NOD1: variants seen among roughly 807,000 people sequenced by gnomAD.
NOD1 encodes nucleotide binding oligomerization domain containing 1, also known as nucleotide-binding oligomerization domain-containing protein 1.
In NOD1, 70 loss-of-function variants were observed where a neutral mutation model predicts 81.2. That is an observed-to-expected ratio of 0.86 (90% CI 0.71 to 1.05). The LOEUF is 1.05. NOD1 is among the 50% of genes least tolerant of loss of function. The pLI is 0.00. For missense variants in NOD1, 1,233 were observed against 1,228.0 expected (o/e 1.00, Z -0.06); for synonymous variants, 508 against 526.9 (o/e 0.96, Z 0.49).
chr7:30,463,464 CTATAT>C (rs140586458), intron 1 of NOD1: 2 of 152,560 alleles, frequency 1.3e-5, no homozygotes, highest in African/African-American at 4.8e-5. Flanking sequence ...ACTAACCGAA[CTATAT>C]TATATTAATA....
chr7:30,477,778 C>T (rs1436680161), intron 1 of NOD1, among the ~76,000 whole-genome samples: 3 of 151,930 alleles, frequency 2.0e-5, no homozygotes, highest in African/African-American at 4.8e-5. Context: ...GCCTTGGCCT[C>T]CCAAAGTGCT....
Position 30,478,064 on chromosome 7 carries a change from A to G in NOD1, c.-352+542T>C, listed in dbSNP as rs916282581. Reference sequence around the variant, plus strand: ...TTGCCAAGCATTGTCTCATTTCCTTACTTTGTGGAGCATGAAACCCAAGGG... The same window carrying G: ...TTGCCAAGCATTGTCTCATTTCCTTGCTTTGTGGAGCATGAAACCCAAGGG... On this transcript the variant is annotated intron_variant, in intron 1 of 13. Transcript: ENST00000222823. The surrounding 1 kb of genome is among the most constrained non-coding windows in gnomAD (Gnocchi z 4.1). Among the ~76,000 whole-genome samples the G allele has an allele frequency of 1.3e-5, 2 of 152,060 alleles. No homozygotes were observed. The highest frequency in any genetic ancestry group is 4.8e-5 in the African/African-American group (2 of 41,392).
rs376537154 is a variant in NOD1 at position 30,455,263 on chromosome 7, C to G, written c.250G>C (p.Glu84Gln). 6.2e-7 allele frequency: 1 copy of G among 1,614,148 alleles called. No homozygotes were observed. The change falls in exon 5 of 14, where the codon GAG (glutamate) becomes CAG (glutamine). Residue 84 changes from glutamate (E) to glutamine (Q), a missense_variant. Coordinates refer to ENST00000222823, the MANE Select transcript of NOD1 (RefSeq NM_006092.4). Reference sequence around the variant, plus strand: ...TGCTGGAGCAAGTAGAGGAAGAACTCGGACACCTCCTCGCCCTTGCTCTGT... The same window carrying G: ...TGCTGGAGCAAGTAGAGGAAGAACTGGGACACCTCCTCGCCCTTGCTCTGT... ...LVQSKGEEVS[E>Q]FFLYLLQQLA...
At chr7:30,426,855 T>A (rs1783503097) in intron 13 of NOD1, among the ~76,000 whole-genome samples, 1 of 152,182 alleles carries the variant, frequency 6.6e-6, no homozygotes, top group Non-Finnish European at 1.5e-5. Flanking sequence ...TCACCTCAGC[T>A]GACTAGCTCC....
At chr7:30,446,731 C>T (rs896214046) in intron 8 of NOD1, 21 of 508,540 alleles carry the variant, frequency 4.1e-5, no homozygotes, top group Admixed American at 1.1e-4. Flanking sequence ...GTCCTTTCTT[C>T]GGCCTAGTAG....
chr7:30,452,123 GGACCTCAGT>G lies in NOD1; in HGVS notation c.1285_1293del (p.Thr429_Val431del). On this transcript the variant is annotated inframe_deletion, in exon 6 of 14. Coordinates refer to ENST00000222823, the MANE Select transcript of NOD1 (RefSeq NM_006092.4). Reference sequence around the variant, plus strand: ...CTGCTGGGCTGCATCCTGTTCAGATGGACCTCAGTGACCAGGAGGAAGACATCTGTCAGG... The same window carrying G: ...CTGCTGGGCTGCATCCTGTTCAGATGGACCAGGAGGAAGACATCTGTCAGG... 1 of 1,613,990 alleles carries G rather than the reference GGACCTCAGT, an allele frequency of 6.2e-7. No homozygotes were observed. Among genetic ancestry groups the G allele is most frequent in the Non-Finnish European group, 8.5e-7 (1 of 1,180,036 alleles).
chr7:30,447,105 G>T (rs1389832443), intron 7 of NOD1, 55 bp from the exon 8 acceptor site: 1 of 1,612,542 alleles, frequency 6.2e-7, no homozygotes. Flanking sequence ...CATTTTAATA[G>T]CCCCTGTTTT....
chr7:30,448,539 C>G (rs563890272), intron 6 of NOD1, among the ~76,000 whole-genome samples, 158 bp from the exon 7 acceptor site: 2 of 152,326 alleles, frequency 1.3e-5, no homozygotes, highest in African/African-American at 4.8e-5. Flanking sequence ...TAGCCCCTTA[C>G]AAAGCCTGGC....
At chr7:30,455,048 G>T in intron 5 of NOD1, 89 bp downstream of exon 5, 8 of 1,252,666 alleles carry the variant, frequency 6.4e-6, no homozygotes, top group South Asian at 1.3e-5. Flanking sequence ...GCTTCCTGAG[G>T]TGGCACTCAG....
At chr7:30,427,009 T>G (rs1783517204) in intron 13 of NOD1, among the ~76,000 whole-genome samples, 2 of 152,174 alleles carry the variant, frequency 1.3e-5, no homozygotes, top group Non-Finnish European at 2.9e-5. Flanking sequence ...GCAAATGATT[T>G]TTTCTTTAAT....
chr7:30,447,981 A>G (rs1276371267), intron 7 of NOD1: 1 of 297,718 alleles, frequency 3.4e-6, no homozygotes, highest in Non-Finnish European at 6.3e-6. Flanking sequence ...AAAATAGTCC[A>G]GACTAATATG....
intron 5 of NOD1, 113 bp downstream of exon 5, chr7:30,455,024 T>C: frequency 1.9e-6 from 2 of 1,039,332 alleles, no homozygotes; most frequent in Non-Finnish European, 2.8e-6. Context: ...AAAATCAAAA[T>C]AGCACCTGGG....
chr7:30,446,783 G>T, intron 8 of NOD1, 184 bp downstream of exon 8: 3 of 566,726 alleles, frequency 5.3e-6, no homozygotes, highest in Non-Finnish European at 9.4e-6. Context: ...TACCAATAAC[G>T]GGAGGCCCTT....
In NOD1 at chr7:30,452,761, C is replaced by G. The variant is rs1184765566; in HGVS notation, c.656G>C (p.Trp219Ser). The change falls in exon 6 of 14, where the codon TGG (tryptophan) becomes TCG (serine). Residue 219 changes from tryptophan (W) to serine (S), a missense_variant. Physicochemically the swap from Trp to Ser is radical, Grantham distance 177 (BLOSUM62 -3). Transcript: ENST00000222823. ...CCCTGCGTCTAGCCGGCCCGTGGCC[C>G]AGAGGCTCTGCAGCCGCTGTAGCAG... ...SMLLQRLQSL[W>S]ATGRLDAGVK... is the part of the protein sequence containing the mutation. 27 of 1,614,094 alleles carry G rather than the reference C, an allele frequency of 1.7e-5. No individual in the cohort carries two copies. The highest frequency in any genetic ancestry group is 2.1e-5 in the Non-Finnish European group (25 of 1,180,040).
At chr7:30,465,999 C>G (rs1787655517) in intron 1 of NOD1, among the ~76,000 whole-genome samples, 1 of 152,238 alleles carries the variant, frequency 6.6e-6, no homozygotes. Flanking sequence ...CTGACCCTCC[C>G]TCCTCAAGCT....
At chr7:30,473,474 C>T (rs1788478266) in intron 1 of NOD1, among the ~76,000 whole-genome samples, 2 of 152,216 alleles carry the variant, frequency 1.3e-5, no homozygotes, top group South Asian at 4.1e-4. Flanking sequence ...CTAACAATCT[C>T]AGTGCATCGA....
At chr7:30,475,671 G>A (rs977655873) in intron 1 of NOD1, among the ~76,000 whole-genome samples, 4 of 152,190 alleles carry the variant, frequency 2.6e-5, no homozygotes, top group Non-Finnish European at 2.9e-5. Context: ...GAGAAGGGCC[G>A]GTGGCATGCC....
chr7:30,449,115 A>G (rs1211599480), intron 6 of NOD1, among the ~76,000 whole-genome samples: 1 of 152,270 alleles, frequency 6.6e-6, no homozygotes, highest in African/African-American at 2.4e-5. Flanking sequence ...AACTTTACTT[A>G]GAAACACAAG....
rs373416756 is a variant in NOD1, at chr7:30,451,911, C to T, written c.1506G>A (p.Pro502=). 97 of 1,613,398 alleles carry T rather than the reference C, an allele frequency of 6.0e-5. No homozygotes were observed. Among genetic ancestry groups the T allele is most frequent in the South Asian group, 4.0e-4 (36 of 91,076 alleles). The stretch of plus-strand genomic sequence containing the variant: ...GCTGGTCACCCCCGGGGCCCAGCTC[C>T]GGCAAAGCCCGCAGGAAGCCCAGCT... ...DMQLGFLRAL[P]ELGPGGDQQS... is the part of the protein sequence containing the mutation. Residue 502 remains proline, a synonymous_variant, in exon 6 of 14, where the codon CCG becomes CCA. Transcript: ENST00000222823. This position sits in a 1 kb window ranked among gnomAD's most constrained non-coding sequence, Gnocchi z 4.2.
Sources: allele counts gnomAD v4.1 joint callset (sites outside exome capture counted in the v4.1 genomes callset), GRCh38; gene constraint gnomAD v4.1.1; non-coding constraint Gnocchi (gnomAD v3.1); transcripts MANE v1.5; gene names NCBI Gene and HGNC (gene_info 2026-07-23, HGNC 2026-07-21).